Variants in PKNOX1 observed in about 807,000 individuals in gnomAD.
PKNOX1 encodes homeobox protein PKNOX1.
PKNOX1 carries 15 observed loss-of-function variants against 51.9 expected under a neutral mutation model. The observed-to-expected ratio is 0.29, with a 90% CI of 0.19 to 0.45. The LOEUF (loss-of-function observed/expected upper bound fraction) is 0.45, where lower values mean the gene tolerates loss of function less well. Among genes scored for constraint, PKNOX1 ranks in the 20% least tolerant of loss-of-function variants. The probability of loss-of-function intolerance (pLI) is 1.00; values close to 1 mark genes in which losing one functional copy is unlikely to be tolerated. For missense variants in PKNOX1, 462 were observed against 547.5 expected (o/e 0.84, Z 1.56); for synonymous variants, 219 against 211.1 (o/e 1.04, Z -0.32).
At chr21:42,978,463 A>AACTTGTTT (rs55928729) in intron 1 of PKNOX1, among the ~76,000 whole-genome samples, 51,790 of 147,394 alleles carry the variant, frequency 0.35, 9,541 homozygotes, top group African/African-American at 0.41. Flanking sequence ...CAACTTGGCT[A>AACTTGTTT]ACTTGTTTTT....
chr21:42,996,229 G>C (rs1978498239), intron 1 of PKNOX1, among the ~76,000 whole-genome samples: 1 of 152,170 alleles, frequency 6.6e-6, no homozygotes, highest in Non-Finnish European at 1.5e-5. Flanking sequence ...CAAAGGGCAG[G>C]CTGTTCAGGA....
chr21:42,980,370 T>C (rs530651926), intron 1 of PKNOX1, among the ~76,000 whole-genome samples: 2 of 71,602 alleles, frequency 2.8e-5, no homozygotes, highest in South Asian at 9.8e-4. Context: ...AGACTCCATG[T>C]CCGAAAAAAG....
chr21:42,988,383 G>A (rs753996075), intron 1 of PKNOX1, among the ~76,000 whole-genome samples: 1 of 152,092 alleles, frequency 6.6e-6, no homozygotes, highest in Non-Finnish European at 1.5e-5. Context: ...AATCAAAGTT[G>A]GTCTGGATCT....
chr21:43,016,955 G>A lies in PKNOX1; in HGVS notation c.570G>A (p.Val190=). 6.2e-7 allele frequency: 1 copy of A among 1,613,090 alleles called. No homozygotes were observed. Among genetic ancestry groups the A allele is most frequent in the South Asian group, 1.1e-5 (1 of 91,072 alleles). The change falls in exon 6 of 11, where the codon GTG becomes GTA. Residue 190 remains valine, a synonymous_variant. Transcript: ENST00000291547. ...ITGTISPQGI[V]VPASALQQGN... is the part of the protein sequence containing the mutation. ...GCACCATCAGCCCTCAGGGAATTGT[G>A]GTGCCGGCGTCCGCGCTGCAGCAGG...
intron 1 of PKNOX1, among the ~76,000 whole-genome samples, chr21:42,996,179 C>A (rs1978496501): frequency 6.6e-6 from 1 of 152,098 alleles, no homozygotes; most frequent in Admixed American, 6.6e-5. Context: ...TGTACTCCAG[C>A]CTAGGTGACA....
chr21:43,024,949 TA>T lies in PKNOX1; in HGVS notation c.926+4del. 1 of 1,594,684 alleles carries T rather than the reference TA, an allele frequency of 6.3e-7. No individual in the cohort carries two copies. The highest frequency in any genetic ancestry group is 8.6e-7 in the Non-Finnish European group (1 of 1,162,574). Reference sequence around the variant, plus strand: ...GACACTACTCCAAGTCAACAACTGGTAAGGTGCCCTGCTTCCTGAAATCATG... The same window carrying T: ...GACACTACTCCAAGTCAACAACTGGTAGGTGCCCTGCTTCCTGAAATCATG... On this transcript the variant is annotated splice_donor_region_variant and intron_variant, in intron 9 of 10. Coordinates refer to ENST00000291547, the MANE Select transcript of PKNOX1 (RefSeq NM_004571.5).
chr21:42,979,444 TA>T (rs1326920885), intron 1 of PKNOX1, among the ~76,000 whole-genome samples: 1 of 152,036 alleles, frequency 6.6e-6, no homozygotes, highest in African/African-American at 2.4e-5. Flanking sequence ...CAATAAAAGG[TA>T]AAATGAGGTG....
intron 7 of PKNOX1, among the ~76,000 whole-genome samples, chr21:43,018,726 G>T (rs9983463): frequency 0.25 from 38,556 of 151,816 alleles, 5,984 homozygotes; most frequent in Admixed American, 0.34. Context: ...CCAGGCTGGA[G>T]TGCAGTGGCG....
chr21:43,031,145 T>G lies in PKNOX1; in HGVS notation c.*1044T>G, dbSNP rs1243619148. 1 of 152,676 alleles carries G rather than the reference T, an allele frequency of 6.5e-6. No homozygotes were observed. Among genetic ancestry groups the G allele is most frequent in the Non-Finnish European group, 1.5e-5 (1 of 68,052 alleles). The allele number at this position is 152,676 out of a possible 1,614,324, so 9.5% of individuals were successfully genotyped here. A position where few individuals can be genotyped will look rare whatever the true frequency, so the allele number is the denominator to read the frequency against. ...TTTACCATGTTAGCTGTGTATTGTTTTAAAAGTTTTAACTTCAAAATATGT... is the reference window on the plus strand; with the variant it reads ...TTTACCATGTTAGCTGTGTATTGTTGTAAAAGTTTTAACTTCAAAATATGT... On this transcript the variant is annotated 3_prime_UTR_variant, in exon 11 of 11. Coordinates refer to ENST00000291547, the MANE Select transcript of PKNOX1 (RefSeq NM_004571.5).
chr21:43,011,856 A>G (rs1979270175), intron 4 of PKNOX1, among the ~76,000 whole-genome samples: 1 of 152,128 alleles, frequency 6.6e-6, no homozygotes, highest in African/African-American at 2.4e-5. Context: ...CTGAGATGAG[A>G]CTAACAGTGC....
chr21:42,996,945 A>C (rs1389748040), intron 1 of PKNOX1, among the ~76,000 whole-genome samples: 2 of 150,676 alleles, frequency 1.3e-5, no homozygotes, highest in Non-Finnish European at 2.9e-5. Flanking sequence ...CAGTGGCACG[A>C]TCTCGGCTCA....
chr21:43,005,416 G>A (rs952189680), intron 2 of PKNOX1, among the ~76,000 whole-genome samples: 5 of 97,616 alleles, frequency 5.1e-5, no homozygotes, highest in Non-Finnish European at 1.0e-4. Context: ...TGTTGTTGGT[G>A]GTGGTGGTGT....
At chr21:43,028,017 A>G (rs1172545633) in intron 9 of PKNOX1, among the ~76,000 whole-genome samples, 2 of 152,230 alleles carry the variant, frequency 1.3e-5, no homozygotes. Context: ...CTGGTCTGAC[A>G]GAGTCGCCAG....
intron 1 of PKNOX1, among the ~76,000 whole-genome samples, chr21:42,983,402 T>G (rs900395982): frequency 6.6e-6 from 1 of 152,216 alleles, no homozygotes; most frequent in Non-Finnish European, 1.5e-5. Flanking sequence ...TTTGTCTTTT[T>G]GTGACCAGCT....
Position 43,025,095 on chromosome 21 carries a change from C to A in PKNOX1, c.926+148C>A, listed in dbSNP as rs1979934155. 6 of 605,520 alleles carry A rather than the reference C, an allele frequency of 9.9e-6. No individual in the cohort carries two copies. The East Asian group carries it at 1.7e-4, about 17-fold the overall frequency. 37.5% of individuals were successfully genotyped at this position (605,520 alleles called of 1,614,324 possible). On this transcript the variant is annotated intron_variant, in intron 9 of 10. Coordinates refer to ENST00000291547, the MANE Select transcript of PKNOX1 (RefSeq NM_004571.5). ...TGAGACGGGGTCTTGCTGTGTTGCC[C>A]AGGCTGGTCTCGAACTCCTGGCCTC...
In PKNOX1 at chr21:43,014,663, T is replaced by G. The variant is rs371754409; in HGVS notation, c.522+1425T>G. ...AAGGTCTCACTATGTTGCCCAGGCT[T>G]GTCCCAAACTCCTGGGCTCAAGTGT... On this transcript the variant is annotated intron_variant, in intron 5 of 10. Coordinates refer to ENST00000291547, the MANE Select transcript of PKNOX1 (RefSeq NM_004571.5). 5.3e-5 allele frequency among the ~76,000 whole-genome samples: 8 copies of G among 152,322 alleles called. No homozygotes were observed. The South Asian group carries it at 6.2e-4, about 12-fold the overall frequency.
intron 1 of PKNOX1, among the ~76,000 whole-genome samples, chr21:42,991,115 C>T (rs1315769255): frequency 6.6e-6 from 1 of 152,050 alleles, no homozygotes; most frequent in African/African-American, 2.4e-5. Context: ...ATGTCCTGAA[C>T]CTTGTCAAAA....
intron 9 of PKNOX1, among the ~76,000 whole-genome samples, chr21:43,026,632 C>T (rs752352563): frequency 6.6e-6 from 1 of 152,108 alleles, no homozygotes. Context: ...TGGTGCACAC[C>T]TGTAATCCCA....
intron 1 of PKNOX1, among the ~76,000 whole-genome samples, chr21:43,002,411 C>A (rs924268565): frequency 0.013 from 130 of 9,668 alleles, 1 homozygote; most frequent in Non-Finnish European, 0.038. Context: ...TGTGCCCCCT[C>A]CCTTGTATCC....
Sources: allele counts gnomAD v4.1 joint callset (sites outside exome capture counted in the v4.1 genomes callset), GRCh38; gene constraint gnomAD v4.1.1; transcripts MANE v1.5; gene names NCBI Gene and HGNC (gene_info 2026-07-23, HGNC 2026-07-21).